FAM117A: variants seen among roughly 807,000 people sequenced by gnomAD.
The protein encoded by FAM117A is protein FAM117A.
Under a neutral mutation model 44.1 loss-of-function variants are expected in FAM117A, and 21 were observed. The ratio of observed to expected loss-of-function variants is 0.48; its 90% CI spans 0.34 to 0.69. FAM117A has a LOEUF of 0.69. Ranked by LOEUF, FAM117A falls within the 30% of genes least tolerant of loss-of-function variation. The pLI, the probability that FAM117A is intolerant of heterozygous loss-of-function variation, is 0.01. For synonymous variants in FAM117A, 220 were observed against 238.3 expected (o/e 0.92, Z 0.71); for missense variants, 498 against 589.9 (o/e 0.84, Z 1.61).
intron 5 of FAM117A, among the ~76,000 whole-genome samples, chr17:49,718,199 T>A (rs1434220080): frequency 6.6e-6 from 1 of 152,356 alleles, no homozygotes. Flanking sequence ...TCAATGGTAC[T>A]TGAACCTGTA....
chr17:49,758,003 C>T (rs756276417), intron 1 of FAM117A, among the ~76,000 whole-genome samples: 6 of 152,180 alleles, frequency 3.9e-5, no homozygotes, highest in African/African-American at 7.2e-5. Flanking sequence ...GAACTGGGAG[C>T]GACACCCAAA....
chr17:49,751,682 G>A (rs538151664), intron 1 of FAM117A, among the ~76,000 whole-genome samples: 2 of 152,002 alleles, frequency 1.3e-5, no homozygotes, highest in African/African-American at 4.8e-5. Context: ...AGTGGCTCAC[G>A]TCTGTAATCC....
At chr17:49,720,231 G>C in intron 4 of FAM117A, 95 bp downstream of exon 4, 1 of 962,216 alleles carries the variant, frequency 1.0e-6, no homozygotes, top group Non-Finnish European at 1.6e-6. Context: ...TGTGGTAGGG[G>C]GCTCGGCAGT....
At position 49,711,367 on chromosome 17, in the gene FAM117A, G is replaced by C. The variant is rs1208001263; in HGVS notation, c.1250C>G (p.Pro417Arg). 1 of 1,610,950 alleles carries C rather than the reference G, an allele frequency of 6.2e-7. No individual in the cohort carries two copies. Among genetic ancestry groups the C allele is most frequent in the Non-Finnish European group, 8.5e-7 (1 of 1,178,558 alleles). Residue 417 changes from proline to arginine, a missense_variant, in exon 8 of 8, where the codon CCA becomes CGA. Physicochemically the swap from Pro to Arg is moderately radical, Grantham distance 103 (BLOSUM62 -2). Around this residue, in one of 3 missense-constraint regions of FAM117A, gnomAD observed 224 missense variants for 296.5 expected, o/e 0.76. Coordinates refer to ENST00000240364, the MANE Select transcript of FAM117A (RefSeq NM_030802.4). ...SPLPPASPRP[P>R]PRKDPEASKA... ...GGAGGCTTCCGGATCCTTCCGAGGT[G>C]GTGGCCTGGGGCTGGCCGGGGGAAG...
chr17:49,779,246 A>T lies in FAM117A; in HGVS notation c.-621+9251T>A, dbSNP rs576490146. Among the ~76,000 whole-genome samples the T allele has an allele frequency of 6.0e-4, 91 of 152,346 alleles. 1 individual carries two copies. In the South Asian group the frequency reaches 0.017, roughly 28 times the overall value. On this transcript the variant is annotated intron_variant, in intron 1 of 7. Transcript: ENST00000513602. ...ACCCCTCCATGGATAGGCACATGGA[A>T]TGAAGGTCTTTAAAGAAGAGCTGCC...
At chr17:49,780,058 C>T (rs1181372810) in intron 1 of FAM117A, among the ~76,000 whole-genome samples, 1 of 152,176 alleles carries the variant, frequency 6.6e-6, no homozygotes, top group Non-Finnish European at 1.5e-5. Context: ...TATGTATGGG[C>T]TAGTTTGCCT....
At chr17:49,768,073 C>T (rs887303951), upstream of FAM117A, among the ~76,000 whole-genome samples, 1 of 151,974 alleles carries the variant, frequency 6.6e-6, no homozygotes, top group Non-Finnish European at 1.5e-5. Context: ...TGAGAATTGG[C>T]ATTATTTTTC....
intron 1 of FAM117A, among the ~76,000 whole-genome samples, chr17:49,785,447 G>C (rs1465574793): frequency 6.6e-6 from 1 of 152,180 alleles, no homozygotes; most frequent in Non-Finnish European, 1.5e-5. Context: ...GGAGATCAAG[G>C]TTGCAGTGAG....
In FAM117A at chr17:49,711,381, G is replaced by A; in HGVS notation, c.1236C>T (p.Ala412=). 2 of 1,612,126 alleles carry A rather than the reference G, an allele frequency of 1.2e-6. No individual in the cohort carries two copies. Among genetic ancestry groups the A allele is most frequent in the Non-Finnish European group, 8.5e-7 (1 of 1,179,080 alleles). ...PSNPGSPLPP[A]SPRPPPRKDP... ...CCTTCCGAGGTGGTGGCCTGGGGCT[G>A]GCCGGGGGAAGGGGAGATCCCGGGT... The change falls in exon 8 of 8, where the codon GCC becomes GCT. Residue 412 remains alanine (A), a synonymous_variant. Transcript: ENST00000240364.
upstream of FAM117A, among the ~76,000 whole-genome samples, chr17:49,768,789 C>T (rs1000149752): frequency 6.6e-5 from 10 of 152,220 alleles, no homozygotes; most frequent in African/African-American, 9.7e-5. Flanking sequence ...TGCGTCCCTT[C>T]CCTCTTACTC....
intron 1 of FAM117A, among the ~76,000 whole-genome samples, chr17:49,736,985 A>C (rs1049581948): frequency 1.4e-4 from 22 of 152,350 alleles, no homozygotes; most frequent in South Asian, 4.1e-4. Context: ...CTAATATTTG[A>C]ATAAAATTGA....
intron 1 of FAM117A, among the ~76,000 whole-genome samples, chr17:49,744,414 G>C (rs1321967831): frequency 3.3e-5 from 5 of 151,996 alleles, no homozygotes; most frequent in Admixed American, 3.3e-4. Context: ...CAAAGTGCTG[G>C]GATTACAGGC....
At position 49,717,708 on chromosome 17, in the gene FAM117A, C is replaced by G; in HGVS notation, c.715G>C (p.Asp239His). The change falls in exon 6 of 8, where the codon GAT becomes CAT. Residue 239 changes from aspartate (D) to histidine (H), a missense_variant. By Grantham distance (81) the Asp-to-His change is moderately conservative. Around this residue, in one of 3 missense-constraint regions of FAM117A, gnomAD observed 224 missense variants for 296.5 expected, o/e 0.76. Coordinates refer to ENST00000240364, the MANE Select transcript of FAM117A (RefSeq NM_030802.4). ...QGEEELLRILDIPDGHRAPAP... is the reference protein window; with the variant it reads ...QGEEELLRILHIPDGHRAPAP... ...GGGGCCCGGTGCCCATCAGGGATAT[C>G]AAGGATCTAACGGGGAAGGACGGTA... 6.2e-7 allele frequency: 1 copy of G among 1,605,006 alleles called. No homozygotes were observed. Among genetic ancestry groups the G allele is most frequent in the Non-Finnish European group, 8.5e-7 (1 of 1,174,380 alleles).
rs560116483 is a variant in FAM117A at position 49,716,214 on chromosome 17, G to A, written c.1012C>T (p.Arg338Trp). 9.6e-6 allele frequency: 15 copies of A among 1,558,774 alleles called. No individual in the cohort carries two copies. The highest frequency in any genetic ancestry group is 1.2e-5 in the Non-Finnish European group (14 of 1,145,836). ...TTCTCACAGCCTTCTGGGGGCTCCCGTTTGAAGATGTAGCTATGATTAGGT... is the reference window on the plus strand; with the variant it reads ...TTCTCACAGCCTTCTGGGGGCTCCCATTTGAAGATGTAGCTATGATTAGGT... ...PRPNHSYIFK[R>W]EPPEGCEKVR... The change falls in exon 7 of 8, where the codon CGG becomes TGG. Residue 338 changes from arginine (R) to tryptophan (W), a missense_variant. By Grantham distance (101) the Arg-to-Trp change is moderately radical. Transcript: ENST00000240364.
chr17:49,786,006 T>C (rs4793621), intron 1 of FAM117A, among the ~76,000 whole-genome samples: 58,631 of 152,000 alleles, frequency 0.39, 13,835 homozygotes, highest in East Asian at 0.67. Flanking sequence ...TGAACATGAC[T>C]CTCAAAGTAA....
upstream of FAM117A, among the ~76,000 whole-genome samples, chr17:49,767,217 G>A (rs753388061): frequency 9.2e-5 from 14 of 152,170 alleles, no homozygotes; most frequent in Non-Finnish European, 1.8e-4. Flanking sequence ...AGATTAATCC[G>A]TCTGCTTCCT....
At chr17:49,752,747 T>C (rs1340233743) in intron 1 of FAM117A, among the ~76,000 whole-genome samples, 1 of 152,154 alleles carries the variant, frequency 6.6e-6, no homozygotes, top group Admixed American at 6.5e-5. Context: ...CACATAATAA[T>C]GTATTAATAG....
chr17:49,732,100 T>A (rs1045243630), intron 2 of FAM117A, among the ~76,000 whole-genome samples: 1 of 152,204 alleles, frequency 6.6e-6, no homozygotes, highest in African/African-American at 2.4e-5. Flanking sequence ...TCTCATTTTT[T>A]AAAAAGCTAG....
intron 2 of FAM117A, among the ~76,000 whole-genome samples, chr17:49,726,325 G>A (rs78948610): frequency 6.6e-6 from 1 of 152,080 alleles, no homozygotes; most frequent in South Asian, 2.1e-4. Context: ...CGATTATCCT[G>A]CCTCAGCCTC....
Sources: gnomAD v4.1 joint callset for allele counts (sites outside exome capture counted in the v4.1 genomes callset) on GRCh38, gnomAD v4.1.1 for gene constraint, gnomAD v4.1.1 regional missense constraint, MANE v1.5 for transcripts, NCBI Gene and HGNC (gene_info 2026-07-23, HGNC 2026-07-21) for gene names.